The following NR5A2 variants were observed in gnomAD, a reference collection of about 807,000 sequenced individuals.
The protein encoded by NR5A2 is nuclear receptor subfamily 5 group A member 2, also known as CYP7A promoter-binding factor.
A neutral mutation model predicts 62.7 loss-of-function variants in NR5A2; 26 were observed. That is an observed-to-expected ratio of 0.41 (90% CI 0.30 to 0.58). The LOEUF (loss-of-function observed/expected upper bound fraction) is 0.58, where lower values mean the gene tolerates loss of function less well. Ranked by LOEUF, NR5A2 falls within the 20% of genes least tolerant of loss-of-function variation. NR5A2 has a pLI of 0.22. For synonymous variants in NR5A2, 246 were observed against 241.7 expected (o/e 1.02, Z -0.16); for missense variants, 541 against 669.1 (o/e 0.81, Z 2.11).
Position 200,174,108 on chromosome 1 carries a change from C to T in NR5A2, c.1524C>T (p.Ala508=). ...TTCTTCGACTACCCGAAATCCGGGC[C>T]ATCAGTATGCAGGCTGAAGAATACC... The part of the protein sequence containing the change: ...QLLLRLPEIR[A]ISMQAEEYLY... The change falls in exon 8 of 8, where the codon GCC becomes GCT. Residue 508 remains alanine, a synonymous_variant. Coordinates refer to ENST00000367362, the MANE Select transcript of NR5A2 (RefSeq NM_205860.3). 6.2e-7 allele frequency: 1 copy of T among 1,613,806 alleles called. No homozygotes were observed. Among genetic ancestry groups the T allele is most frequent in the African/African-American group, 1.3e-5 (1 of 74,920 alleles).
At chr1:200,079,560 A>G (rs926960012) in intron 5 of NR5A2, among the ~76,000 whole-genome samples, 6 of 152,256 alleles carry the variant, frequency 3.9e-5, no homozygotes, top group Admixed American at 6.5e-5. Flanking sequence ...ATTGGCTTTC[A>G]AAGATATATT....
chr1:200,043,280 T>G (rs1267582703), intron 2 of NR5A2, among the ~76,000 whole-genome samples: 1 of 152,212 alleles, frequency 6.6e-6, no homozygotes, highest in East Asian at 1.9e-4. Flanking sequence ...GGGGCTTCAG[T>G]TTCTCTGTCG....
chr1:200,063,118 G>A (rs760860579), intron 5 of NR5A2, among the ~76,000 whole-genome samples: 21 of 151,720 alleles, frequency 1.4e-4, no homozygotes, highest in Admixed American at 1.3e-4. Flanking sequence ...CTGCCTCCCA[G>A]GTTCAAGCAA....
At chr1:200,054,657 C>A (rs1662825022) in intron 5 of NR5A2, among the ~76,000 whole-genome samples, 1 of 152,144 alleles carries the variant, frequency 6.6e-6, no homozygotes, top group Non-Finnish European at 1.5e-5. Flanking sequence ...GGAATTTAGC[C>A]ATGCTGAAGT....
At chr1:200,038,045 A>G (rs1661859435) in intron 1 of NR5A2, among the ~76,000 whole-genome samples, 1 of 152,256 alleles carries the variant, frequency 6.6e-6, no homozygotes, top group African/African-American at 2.4e-5. Flanking sequence ...TGCACAGCAG[A>G]TTCTAAATAT....
chr1:200,041,854 C>T (rs1571702211), intron 2 of NR5A2, among the ~76,000 whole-genome samples: 1 of 152,156 alleles, frequency 6.6e-6, no homozygotes, highest in Non-Finnish European at 1.5e-5. Flanking sequence ...GAGGTAGGCA[C>T]GGAGTCCCTC....
At chr1:200,067,403 A>G (rs547474175) in intron 5 of NR5A2, among the ~76,000 whole-genome samples, 1 of 152,332 alleles carries the variant, frequency 6.6e-6, no homozygotes, top group African/African-American at 2.4e-5. Context: ...CTAAAAATAC[A>G]AAATTAGCCT....
intron 7 of NR5A2, among the ~76,000 whole-genome samples, chr1:200,132,417 G>A (rs528213976): frequency 3.9e-5 from 6 of 152,286 alleles, no homozygotes; most frequent in South Asian, 4.1e-4. Flanking sequence ...TACACCAAGC[G>A]AAGAGTCCAA....
At chr1:200,061,332 G>A (rs1663210699) in intron 5 of NR5A2, among the ~76,000 whole-genome samples, 1 of 143,076 alleles carries the variant, frequency 7.0e-6, no homozygotes. Flanking sequence ...AGGCTGGAGT[G>A]TAATGGCGTG....
intron 5 of NR5A2, among the ~76,000 whole-genome samples, chr1:200,070,304 G>A (rs1663680897): frequency 6.6e-6 from 1 of 152,126 alleles, no homozygotes; most frequent in South Asian, 2.1e-4. Flanking sequence ...CACAGAGAAG[G>A]TAGCCTAGCA....
intron 5 of NR5A2, among the ~76,000 whole-genome samples, chr1:200,086,603 G>A (rs887352882): frequency 6.6e-6 from 1 of 152,144 alleles, no homozygotes; most frequent in Non-Finnish European, 1.5e-5. Context: ...GCGCCGGCCT[G>A]ACTTCTGGAA....
At position 200,175,941 on chromosome 1, in the gene NR5A2, A is replaced by G. The variant is rs1344193026; in HGVS notation, c.*1731A>G. 1 of 152,624 alleles carries G rather than the reference A, an allele frequency of 6.6e-6. No individual in the cohort carries two copies. The highest frequency in any genetic ancestry group is 1.5e-5 in the Non-Finnish European group (1 of 68,032). The allele number at this position is 152,624 out of a possible 1,614,324, so 9.5% of individuals were successfully genotyped here. A position where few individuals can be genotyped will look rare whatever the true frequency, so the allele number is the denominator to read the frequency against. On this transcript the variant is annotated 3_prime_UTR_variant, in exon 8 of 8. Transcript: ENST00000367362. ...TTGTATATCATACTTTCAACTGTAG[A>G]CAATTATGATGCTAATTTATTGTTT...
At chr1:200,103,023 T>G (rs1016378494) in intron 5 of NR5A2, among the ~76,000 whole-genome samples, 9 of 152,180 alleles carry the variant, frequency 5.9e-5, no homozygotes, top group African/African-American at 2.2e-4. Flanking sequence ...GTTACTTAAC[T>G]TTTCTACCTC....
chr1:200,111,508 G>A (rs1471528225), intron 6 of NR5A2, among the ~76,000 whole-genome samples, 187 bp downstream of exon 6: 2 of 152,160 alleles, frequency 1.3e-5, no homozygotes, highest in Non-Finnish European at 2.9e-5. Flanking sequence ...ACTTGTAAAA[G>A]CAAACATAAT....
chr1:200,161,035 G>C (rs565645230), intron 7 of NR5A2, among the ~76,000 whole-genome samples: 2 of 151,600 alleles, frequency 1.3e-5, no homozygotes, highest in Non-Finnish European at 2.9e-5. Flanking sequence ...TGCTCTTTAC[G>C]AATGTGGATG....
chr1:200,118,893 G>A (rs907290286), intron 6 of NR5A2, among the ~76,000 whole-genome samples: 2 of 152,194 alleles, frequency 1.3e-5, no homozygotes, highest in African/African-American at 4.8e-5. Flanking sequence ...GGTTGCCCAG[G>A]TACTGACCCT....
chr1:200,080,069 T>C (rs1181764449), intron 5 of NR5A2, among the ~76,000 whole-genome samples: 2 of 152,194 alleles, frequency 1.3e-5, no homozygotes, highest in East Asian at 1.9e-4. Flanking sequence ...TTTTTCTTTA[T>C]TATTTCCAAA....
At chr1:200,087,695 T>A (rs1664620276) in intron 5 of NR5A2, among the ~76,000 whole-genome samples, 1 of 151,776 alleles carries the variant, frequency 6.6e-6, no homozygotes, top group African/African-American at 2.4e-5. Flanking sequence ...GCGCCCGGCT[T>A]TATTTCCCTT....
At chr1:200,135,435 C>T (rs931146649) in intron 7 of NR5A2, among the ~76,000 whole-genome samples, 12 of 151,770 alleles carry the variant, frequency 7.9e-5, no homozygotes, top group East Asian at 1.9e-4. Flanking sequence ...ACAGGAGAAT[C>T]GCTTGAACCT....
Sources: allele counts gnomAD v4.1 joint callset (sites outside exome capture counted in the v4.1 genomes callset), GRCh38; gene constraint gnomAD v4.1.1; transcripts MANE v1.5; gene names NCBI Gene and HGNC (gene_info 2026-07-23, HGNC 2026-07-21).